CFAP46: variants seen among roughly 807,000 people sequenced by gnomAD.
CFAP46 encodes cilia and flagella associated protein 46, also known as cilia- and flagella-associated protein 46.
CFAP46 carries 245 observed loss-of-function variants against 325.7 expected under a neutral mutation model. That is an observed-to-expected ratio of 0.75 (90% CI 0.68 to 0.84). The LOEUF is 0.84. Ranked by LOEUF, CFAP46 falls within the 40% of genes least tolerant of loss-of-function variation. The pLI is 0.00. For synonymous variants in CFAP46, 1,523 were observed against 1,495.9 expected, an observed-to-expected ratio of 1.02 and a Z score of -0.42; for missense variants, 3,346 against 3,543.0, an observed-to-expected ratio of 0.94 and a Z score of 1.41.
intron 18 of CFAP46, 89 bp from the exon 19 acceptor site, chr10:132,912,909 C>A: frequency 6.6e-7 from 1 of 1,504,030 alleles, no homozygotes; most frequent in Non-Finnish European, 8.9e-7. Context: ...CGGTAAGAGG[C>A]CTGAGATGCA....
chr10:132,832,804 T>C lies in CFAP46; in HGVS notation c.7117+554A>G, dbSNP rs1468439208. 8.5e-6 allele frequency: 4 copies of C among 471,072 alleles called. No homozygotes were observed. The highest frequency in any genetic ancestry group is 3.1e-5 in the South Asian group (2 of 64,570). The allele number at this position is 471,072 out of a possible 1,614,324, so 29.2% of individuals were successfully genotyped here. ...GCGCTCCCTCGTGCTTTTCACTGTC[T>C]GAGTGATTAACGGAGAGGCTGGCTG... On this transcript the variant is annotated intron_variant, in intron 50 of 57. Coordinates refer to ENST00000368586, the MANE Select transcript of CFAP46 (RefSeq NM_001200049.3). This position sits in a 1 kb window ranked among gnomAD's most constrained non-coding sequence, Gnocchi z 4.1.
At chr10:132,940,397 A>G (rs12251600) in intron 4 of CFAP46, among the ~76,000 whole-genome samples, 20,663 of 152,114 alleles carry the variant, frequency 0.14, 1,691 homozygotes, top group African/African-American at 0.23. Flanking sequence ...GAAGCATGAT[A>G]TTTGTTTTTG....
rs768985338 is a variant in CFAP46, at chr10:132,879,582, G to A, written c.3849C>T (p.Ala1283=). 56 of 1,546,404 alleles carry A rather than the reference G, an allele frequency of 3.6e-5. No homozygotes were observed. Among genetic ancestry groups the A allele is most frequent in the South Asian group, 3.0e-4 (25 of 83,776 alleles). ...GCTGCTCCAAGGACACCGCCTCCTC[G>A]GCCTCGGACACGGGGCTCCGTGGGG... ...EMPPRSPVSE[A]EEAVSLEQLR... The change falls in exon 29 of 58, where the codon GCC becomes GCT. Residue 1283 remains alanine (A), a synonymous_variant. Coordinates refer to ENST00000368586, the MANE Select transcript of CFAP46 (RefSeq NM_001200049.3).
At chr10:132,816,158 CG>C (rs1333759808) in intron 50 of CFAP46, among the ~76,000 whole-genome samples, 1 of 151,794 alleles carries the variant, frequency 6.6e-6, no homozygotes, top group African/African-American at 2.4e-5. Context: ...CAAAGTTGCT[CG>C]GGGACTTCCG....
intron 50 of CFAP46, among the ~76,000 whole-genome samples, chr10:132,825,213 T>C (rs1165409282): frequency 1.5e-5 from 2 of 137,058 alleles, no homozygotes; most frequent in Non-Finnish European, 1.7e-5. Flanking sequence ...GTGCTGTGTG[T>C]GTGCCCTGAT....
At chr10:132,925,243 G>A (rs1303857037) in intron 10 of CFAP46, among the ~76,000 whole-genome samples, 2 of 152,204 alleles carry the variant, frequency 1.3e-5, no homozygotes, top group Non-Finnish European at 2.9e-5. Context: ...TGCTACACGG[G>A]CCCTTCCCAG....
chr10:132,940,893 G>A (rs969760787), intron 4 of CFAP46, 103 bp downstream of exon 4: 74 of 1,170,556 alleles, frequency 6.3e-5, no homozygotes, highest in Non-Finnish European at 8.0e-5. Context: ...GACCACAAAC[G>A]AGGGGAAACC....
At chr10:132,852,952 G>A (rs1848582680) in intron 39 of CFAP46, among the ~76,000 whole-genome samples, 1 of 152,188 alleles carries the variant, frequency 6.6e-6, no homozygotes, top group Non-Finnish European at 1.5e-5. Flanking sequence ...ATTTTTTGGT[G>A]GATTGCATAG....
In CFAP46 at chr10:132,851,306, C is replaced by A. The variant is rs760616454; in HGVS notation, c.5575-1G>T. On this transcript the variant is annotated splice_acceptor_variant, in intron 39 of 57. Transcript: ENST00000368586. LOFTEE classifies it high-confidence loss of function. ...TCAGGGGCGTGTTGACGTTCTGCAA[C>A]TGAGGGGGTCAGGCATGCCTCTGAA... 1.2e-6 allele frequency: 2 copies of A among 1,612,944 alleles called. No homozygotes were observed. The highest frequency in any genetic ancestry group is 1.7e-5 in the Admixed American group (1 of 59,924).
chr10:132,823,136 CTGTGTGCTGA>C (rs1564766948), intron 50 of CFAP46, among the ~76,000 whole-genome samples: 1 of 94,738 alleles, frequency 1.1e-5, no homozygotes, highest in Non-Finnish European at 2.0e-5. Flanking sequence ...GATGTGTGCT[CTGTGTGCTGA>C]TGTGTGCTGT....
Position 132,939,835 on chromosome 10 carries a change from G to T in CFAP46, c.372-1082C>A, listed in dbSNP as rs1422346226. 6.6e-6 allele frequency among the ~76,000 whole-genome samples: 1 copy of T among 152,130 alleles called. No homozygotes were observed. The highest frequency in any genetic ancestry group is 2.4e-5 in the African/African-American group (1 of 41,418). On this transcript the variant is annotated intron_variant, in intron 4 of 57. Coordinates refer to ENST00000368586, the MANE Select transcript of CFAP46 (RefSeq NM_001200049.3). This position sits in a 1 kb window ranked among gnomAD's most constrained non-coding sequence, Gnocchi z 4.6. ...TGGCTCTCCCCAAATTCCCACTGTGGCCTCCACATGCCCGTGGTTGGGCTC... is the reference window on the plus strand; with the variant it reads ...TGGCTCTCCCCAAATTCCCACTGTGTCCTCCACATGCCCGTGGTTGGGCTC...
Position 132,832,481 on chromosome 10 carries a change from C to T in CFAP46, c.7117+877G>A, listed in dbSNP as rs1238868705. 2.7e-5 allele frequency: 6 copies of T among 226,202 alleles called. No homozygotes were observed. Among genetic ancestry groups the T allele is most frequent in the South Asian group, 4.4e-5 (1 of 22,550 alleles). The allele number at this position is 226,202 out of a possible 1,614,324, so 14.0% of individuals were successfully genotyped here. On this transcript the variant is annotated intron_variant, in intron 50 of 57. Coordinates refer to ENST00000368586, the MANE Select transcript of CFAP46 (RefSeq NM_001200049.3). This position sits in a 1 kb window ranked among gnomAD's most constrained non-coding sequence, Gnocchi z 4.1. ...CGCCAGCCAAACCCCCTTCGAGGCC[C>T]CCCGTCCTGCGCGGACTGCTCGTCA...
Position 132,850,253 on chromosome 10 carries a change from C to A in CFAP46, c.5943G>T (p.Ala1981=). 6.4e-7 allele frequency: 1 copy of A among 1,550,666 alleles called. No homozygotes were observed. Among genetic ancestry groups the A allele is most frequent in the Non-Finnish European group, 8.7e-7 (1 of 1,146,866 alleles). ...DPVHPTCYWE[A]GPSVGAKLSG... ...AAGCAGGAGCACCTACCGAGGGGCCCGCCTCCCAGTAGCAGGTAGGGTGCA... is the reference window on the plus strand; with the variant it reads ...AAGCAGGAGCACCTACCGAGGGGCCAGCCTCCCAGTAGCAGGTAGGGTGCA... The change falls in exon 41 of 58, where the codon GCG becomes GCT. Residue 1981 remains alanine, a synonymous_variant. Coordinates refer to ENST00000368586, the MANE Select transcript of CFAP46 (RefSeq NM_001200049.3).
intron 50 of CFAP46, among the ~76,000 whole-genome samples, chr10:132,826,091 G>T (rs1309161092): frequency 3.0e-5 from 4 of 133,114 alleles, no homozygotes; most frequent in East Asian, 2.2e-4. Context: ...GCAGGAGCCG[G>T]AGCCACAGAG....
chr10:132,887,109 TTTCA>T (rs1478019170), intron 25 of CFAP46, among the ~76,000 whole-genome samples: 13 of 127,990 alleles, frequency 1.0e-4, no homozygotes, highest in Admixed American at 9.7e-4. Flanking sequence ...CTCTCTCCTC[TTTCA>T]CCTCTCTCTC....
At chr10:132,929,623 G>A (rs1335514781) in intron 9 of CFAP46, 82 bp downstream of exon 9, 3 of 1,335,034 alleles carry the variant, frequency 2.2e-6, no homozygotes, top group Non-Finnish European at 3.2e-6. Flanking sequence ...CTGGTGAACT[G>A]CTCTTCCTTT....
At chr10:132,882,445 T>C (rs1849061476) in intron 27 of CFAP46, among the ~76,000 whole-genome samples, 1 of 151,710 alleles carries the variant, frequency 6.6e-6, no homozygotes, top group African/African-American at 2.4e-5. Flanking sequence ...TTGTTGTGGA[T>C]GTCGGGTGTA....
chr10:132,918,449 G>A lies in CFAP46; in HGVS notation c.1930C>T (p.Gln644Ter). The A allele has an allele frequency of 1.3e-6, 2 of 1,549,204 alleles. No homozygotes were observed. The highest frequency in any genetic ancestry group is 1.7e-6 in the Non-Finnish European group (2 of 1,145,996). ...TTCCGCAGCAGGTCGGGGCACACCT[G>A]CCTCTGCAGGACGACCTCAGGCTGG... ...WSQPEVVLQR[Q>*]VCPDLLRKFA... The change falls in exon 16 of 58, where the codon CAG becomes TAG. Residue 644 changes from glutamine (Q) to a stop codon, truncating the protein, a stop_gained. Coordinates refer to ENST00000368586, the MANE Select transcript of CFAP46 (RefSeq NM_001200049.3). LOFTEE classifies it high-confidence loss of function.
chr10:132,808,881 C>T lies in CFAP46; in HGVS notation c.7688G>A (p.Gly2563Glu). ...GAGCTTTGGAGCAGCAGCAGCTTGT[C>T]CTTCAAGGTCTGAGAAGCCTCGTCT... Reference protein sequence around the residue: ...EPRRGFSDLEGQAAAAPKLRA... With the variant: ...EPRRGFSDLEEQAAAAPKLRA... The change falls in exon 58 of 58, where the codon GGA (glycine) becomes GAA (glutamate). Residue 2563 changes from glycine to glutamate, a missense_variant. Physicochemically the swap from Gly to Glu is moderately conservative, Grantham distance 98. Transcript: ENST00000368586. This position sits in a 1 kb window ranked among gnomAD's most constrained non-coding sequence, Gnocchi z 6.8. 1 of 1,594,652 alleles carries T rather than the reference C, an allele frequency of 6.3e-7. No individual in the cohort carries two copies. The highest frequency in any genetic ancestry group is 1.1e-5 in the South Asian group (1 of 89,778).
Sources: allele counts gnomAD v4.1 joint callset (sites outside exome capture counted in the v4.1 genomes callset), GRCh38; gene constraint gnomAD v4.1.1; non-coding constraint Gnocchi (gnomAD v3.1); transcripts MANE v1.5; gene names NCBI Gene and HGNC (gene_info 2026-07-23, HGNC 2026-07-21).